The following ZFHX3 variants were observed in gnomAD, a reference collection of about 807,000 sequenced individuals.
The protein encoded by ZFHX3 is zinc finger homeobox 3, also known as zinc finger homeobox protein 3.
ZFHX3 carries 42 observed loss-of-function variants against 279.1 expected under a neutral mutation model. That is an observed-to-expected ratio of 0.15 (90% CI 0.12 to 0.19). The LOEUF (loss-of-function observed/expected upper bound fraction) is 0.19. ZFHX3 is among the 10% of genes least tolerant of loss of function. The pLI, the probability that ZFHX3 is intolerant of heterozygous loss-of-function variation, is 1.00. For synonymous variants in ZFHX3, 2,293 were observed against 1,957.8 expected (o/e 1.17, Z -4.52); for missense variants, 4,981 against 4,754.0 (o/e 1.05, Z -1.40).
At chr16:73,680,891 T>C (rs1223010090) in intron 1 of ZFHX3, among the ~76,000 whole-genome samples, 3 of 152,210 alleles carry the variant, frequency 2.0e-5, no homozygotes, top group African/African-American at 2.4e-5. Flanking sequence ...TATTCATATA[T>C]AATTACTAGC....
chr16:73,143,710 T>A, intron 6 of ZFHX3: 2 of 1,289,226 alleles, frequency 1.6e-6, no homozygotes, highest in Non-Finnish European at 1.0e-6. Flanking sequence ...TCACCTGGTA[T>A]AACATTTTCT....
At position 72,794,251 on chromosome 16, in the gene ZFHX3, C is replaced by T. The variant is rs1377589097; in HGVS notation, c.8431G>A (p.Glu2811Lys). 2 of 1,614,206 alleles carry T rather than the reference C, an allele frequency of 1.2e-6. No homozygotes were observed. ...GACATGGAGGGGCTTTCAAAGTCTT[C>T]AATCCCTTCCACCTTAATGGAGGAA... ...SPSSIKVEGI[E>K]DFESPSMSSV... Residue 2811 changes from glutamate (E) to lysine (K), a missense_variant, in exon 9 of 10, where the codon GAA becomes AAA. This residue lies in a region of ZFHX3 where 744 missense variants were observed against 701.3 expected (regional missense o/e 1.06). Transcript: ENST00000268489. This position sits in a 1 kb window ranked among gnomAD's most constrained non-coding sequence, Gnocchi z 4.2.
At chr16:73,557,854 C>T (rs2143783167) in intron 2 of ZFHX3, among the ~76,000 whole-genome samples, 1 of 152,234 alleles carries the variant, frequency 6.6e-6, no homozygotes, top group Non-Finnish European at 1.5e-5. Flanking sequence ...TGGAGTTGCT[C>T]TGGTTCACAC....
At chr16:73,370,862 G>T (rs1042638514) in intron 3 of ZFHX3, among the ~76,000 whole-genome samples, 2 of 152,282 alleles carry the variant, frequency 1.3e-5, no homozygotes. Flanking sequence ...AGTCATCTCA[G>T]ACATAATGGG....
chr16:73,452,450 A>G (rs951863442), intron 3 of ZFHX3, among the ~76,000 whole-genome samples: 2 of 152,224 alleles, frequency 1.3e-5, no homozygotes, highest in Non-Finnish European at 2.9e-5. Context: ...GCAGAAAGAC[A>G]CTAAAAAATC....
Position 72,796,688 on chromosome 16 carries a change from T to G in ZFHX3, c.5994A>C (p.Leu1998Phe). 1.2e-6 allele frequency: 2 copies of G among 1,613,984 alleles called. No homozygotes were observed. The highest frequency in any genetic ancestry group is 1.7e-6 in the Non-Finnish European group (2 of 1,180,002). ...GATGAACGTGCTCTTGATGACTCTT[T>G]AAAATCAAGATGTTGGAAAACAACT... ...CGKLFSNILILKSHQEHVHQN... is the reference protein window; with the variant it reads ...CGKLFSNILIFKSHQEHVHQN... The change falls in exon 9 of 10, where the codon TTA becomes TTC. Residue 1998 changes from leucine (L) to phenylalanine (F), a missense_variant. This residue lies in a region of ZFHX3 where 1,751 missense variants were observed against 1,770.0 expected (regional missense o/e 0.99). Coordinates refer to ENST00000268489, the MANE Select transcript of ZFHX3 (RefSeq NM_006885.4).
chr16:73,355,297 T>C (rs2016320137), intron 3 of ZFHX3, among the ~76,000 whole-genome samples: 1 of 152,214 alleles, frequency 6.6e-6, no homozygotes. Context: ...ATTTTCCCAG[T>C]GGACTCCTGA....
At chr16:73,241,561 C>A (rs993424625) in intron 5 of ZFHX3, among the ~76,000 whole-genome samples, 8 of 151,930 alleles carry the variant, frequency 5.3e-5, no homozygotes, top group African/African-American at 1.9e-4. Flanking sequence ...GATGCCCAGG[C>A]GGGTGGATCA....
At chr16:73,246,216 G>A (rs1055383843) in intron 5 of ZFHX3, among the ~76,000 whole-genome samples, 6 of 152,126 alleles carry the variant, frequency 3.9e-5, no homozygotes, top group Non-Finnish European at 8.8e-5. Context: ...AGAGAGCCGA[G>A]GCATTATGAG....
intron 2 of ZFHX3, among the ~76,000 whole-genome samples, chr16:73,666,936 A>G (rs2052848600): frequency 6.6e-6 from 1 of 151,994 alleles, no homozygotes; most frequent in African/African-American, 2.4e-5. Flanking sequence ...TGAGTTTATC[A>G]GTAGTTCATT....
chr16:73,155,651 C>T (rs778669323), intron 5 of ZFHX3, among the ~76,000 whole-genome samples: 60 of 151,940 alleles, frequency 3.9e-4, no homozygotes, highest in Non-Finnish European at 6.9e-4. Context: ...GGTGAAACAC[C>T]GTCTCTACTA....
intron 2 of ZFHX3, among the ~76,000 whole-genome samples, chr16:73,577,135 A>G (rs1295150728): frequency 6.6e-6 from 1 of 152,216 alleles, no homozygotes; most frequent in Admixed American, 6.5e-5. Flanking sequence ...ACCAGCAAAA[A>G]CATGTATTAT....
chr16:73,156,366 A>G (rs561780823), intron 5 of ZFHX3, among the ~76,000 whole-genome samples: 51 of 152,272 alleles, frequency 3.3e-4, no homozygotes, highest in Non-Finnish European at 7.4e-5. Flanking sequence ...GTACTTAAAG[A>G]AAACTGTGGT....
At chr16:73,763,318 C>G (rs1322439434) in intron 1 of ZFHX3, among the ~76,000 whole-genome samples, 1 of 152,158 alleles carries the variant, frequency 6.6e-6, no homozygotes, top group African/African-American at 2.4e-5. Flanking sequence ...TTTTGAAAAA[C>G]AGAATGTAAC....
At chr16:73,501,061 C>T (rs192420472) in intron 2 of ZFHX3, among the ~76,000 whole-genome samples, 6 of 152,274 alleles carry the variant, frequency 3.9e-5, no homozygotes, top group East Asian at 1.9e-4. Flanking sequence ...ATCTTTTAAA[C>T]GATATTTTGT....
chr16:73,150,479 T>C (rs1436910453), intron 5 of ZFHX3, among the ~76,000 whole-genome samples: 1 of 152,180 alleles, frequency 6.6e-6, no homozygotes, highest in Non-Finnish European at 1.5e-5. Flanking sequence ...GTTTTGCATA[T>C]CAAATAAAAT....
intron 1 of ZFHX3, among the ~76,000 whole-genome samples, chr16:72,968,941 C>T (rs1185337399): frequency 6.6e-6 from 1 of 152,040 alleles, no homozygotes; most frequent in Non-Finnish European, 1.5e-5. Context: ...CATACATACA[C>T]ATACACATAT....
intron 1 of ZFHX3, among the ~76,000 whole-genome samples, chr16:73,755,340 A>T (rs1248651158): frequency 1.3e-5 from 2 of 152,214 alleles, no homozygotes; most frequent in African/African-American, 2.4e-5. Context: ...AGAAGAAAAA[A>T]AAGATGGGAA....
chr16:72,858,839 G>A (rs571921970), intron 4 of ZFHX3, among the ~76,000 whole-genome samples: 2 of 152,348 alleles, frequency 1.3e-5, no homozygotes, highest in Non-Finnish European at 1.5e-5. Context: ...AGCGGGTCAG[G>A]GCTGGCCTCC....
Sources: gnomAD v4.1 joint callset for allele counts (sites outside exome capture counted in the v4.1 genomes callset) on GRCh38, gnomAD v4.1.1 for gene constraint, gnomAD v4.1.1 regional missense constraint, Gnocchi (gnomAD v3.1) non-coding constraint, MANE v1.5 for transcripts, NCBI Gene and HGNC (gene_info 2026-07-23, HGNC 2026-07-21) for gene names.